Variants in TGIF2 observed in about 807,000 individuals in gnomAD.
TGIF2 encodes the protein homeobox protein TGIF2.
A neutral mutation model predicts 15.1 loss-of-function variants in TGIF2; 5 were observed. The observed-to-expected ratio is 0.33, with a 90% CI of 0.17 to 0.70. TGIF2 has a LOEUF of 0.70. TGIF2 is among the 30% of genes least tolerant of loss of function. The pLI, the probability that TGIF2 is intolerant of heterozygous loss-of-function variation, is 0.67. For missense variants in TGIF2, 264 were observed against 302.5 expected, an observed-to-expected ratio of 0.87 and a Z score of 0.94; for synonymous variants, 131 against 128.9, an observed-to-expected ratio of 1.02 and a Z score of -0.11.
intron 2 of TGIF2, among the ~76,000 whole-genome samples, chr20:36,588,591 T>A (rs1330185160): frequency 1.3e-5 from 2 of 152,094 alleles, no homozygotes; most frequent in Non-Finnish European, 2.9e-5. Context: ...CAGCGTCCAC[T>A]GAAGCCTGTT....
Position 36,591,115 on chromosome 20 carries a change from C to G in TGIF2, c.398C>G (p.Pro133Arg). The change falls in exon 3 of 3, where the codon CCG becomes CGG. Residue 133 changes from proline (P) to arginine (R), a missense_variant. Physicochemically the swap from Pro to Arg is moderately radical, Grantham distance 103 (BLOSUM62 -2). Coordinates refer to ENST00000373872, the MANE Select transcript of TGIF2 (RefSeq NM_021809.7). The surrounding 1 kb of genome is among the most constrained non-coding windows in gnomAD (Gnocchi z 5.3). Reference protein sequence around the residue: ...NVLSLSVCSMPLHSGQGEKPA... With the variant: ...NVLSLSVCSMRLHSGQGEKPA... The stretch of plus-strand genomic sequence containing the variant: ...CTCTCCCTGTCTGTGTGCTCCATGC[C>G]GCTTCACTCAGGCCAGGGGGAAAAG... 1.2e-6 allele frequency: 2 copies of G among 1,610,954 alleles called. No homozygotes were observed. Among genetic ancestry groups the G allele is most frequent in the Non-Finnish European group, 8.5e-7 (1 of 1,177,634 alleles).
At chr20:36,583,726 G>A (rs1404965373) in intron 2 of TGIF2, among the ~76,000 whole-genome samples, 4 of 152,056 alleles carry the variant, frequency 2.6e-5, no homozygotes, top group Admixed American at 6.6e-5. Flanking sequence ...GCGAAACCCC[G>A]TCTCTACTAA....
At chr20:36,584,078 A>G (rs2038602185) in intron 2 of TGIF2, among the ~76,000 whole-genome samples, 2 of 152,096 alleles carry the variant, frequency 1.3e-5, no homozygotes, top group Non-Finnish European at 2.9e-5. Context: ...AAAAAAAAGA[A>G]AAAAAAATTC....
chr20:36,573,573 G>C (rs1396655603), upstream of TGIF2: 2 of 151,726 alleles, frequency 1.3e-5, no homozygotes. Context: ...GAGGGCGCGG[G>C]GGGAGGAGAG....
chr20:36,592,511 C>T lies in TGIF2; in HGVS notation c.*1080C>T, dbSNP rs150382819. The T allele has an allele frequency of 6.6e-6, 1 of 152,614 alleles. No individual in the cohort carries two copies. Among genetic ancestry groups the T allele is most frequent in the East Asian group, 1.9e-4 (1 of 5,178 alleles). 9.5% of individuals were successfully genotyped at this position (152,614 alleles called of 1,614,324 possible). ...GGGCCCATATGTCAGAAGCTCCCAG[C>T]ACCTCCTACTTGGGAGAAAAGTGAG... On this transcript the variant is annotated 3_prime_UTR_variant, in exon 3 of 3. Transcript: ENST00000373872.
chr20:36,590,888 C>T (rs759059083), intron 2 of TGIF2, 22 bp from the exon 3 acceptor site: 165 of 1,502,338 alleles, frequency 1.1e-4, no homozygotes, highest in Middle Eastern at 1.8e-4. Context: ...GCAAATTGAT[C>T]GGTCTTGTAT....
chr20:36,583,178 G>T (rs1417149901), intron 2 of TGIF2, among the ~76,000 whole-genome samples: 1 of 151,874 alleles, frequency 6.6e-6, no homozygotes, highest in Non-Finnish European at 1.5e-5. Context: ...TACTCAGGAG[G>T]CTAAGGTACA....
chr20:36,585,867 T>TGTATACCC (rs2038647751), intron 2 of TGIF2, among the ~76,000 whole-genome samples: 1 of 152,216 alleles, frequency 6.6e-6, no homozygotes, highest in African/African-American at 2.4e-5. Context: ...CCCGGGACTC[T>TGTATACCC]GTGCTGGGTA....
intron 1 of TGIF2, chr20:36,574,602 G>A (rs1449949313): frequency 3.3e-5 from 5 of 152,208 alleles, no homozygotes; most frequent in African/African-American, 1.2e-4. Flanking sequence ...AGTAGGGGTG[G>A]GAACCAAACT....
chr20:36,576,138 G>T (rs1031206338), intron 1 of TGIF2, among the ~76,000 whole-genome samples: 3 of 152,112 alleles, frequency 2.0e-5, no homozygotes, highest in Non-Finnish European at 2.9e-5. Context: ...TTTGTTGCAC[G>T]TGTGAAACAG....
Position 36,584,555 on chromosome 20 carries a change from T to C in TGIF2, c.192+5589T>C, listed in dbSNP as rs1173931128. Among the ~76,000 whole-genome samples, 4 of 151,808 alleles carry C rather than the reference T, an allele frequency of 2.6e-5. No homozygotes were observed. The East Asian group carries it at 7.8e-4, about 29-fold the overall frequency. On this transcript the variant is annotated intron_variant, in intron 2 of 2. Transcript: ENST00000373872. ...TTTTTCCTGTATTTATTAATTAATT[T>C]TTTTTTTTTTTGAGACGGAGTCACT...
At chr20:36,585,646 A>T (rs2038642715) in intron 2 of TGIF2, among the ~76,000 whole-genome samples, 2 of 152,084 alleles carry the variant, frequency 1.3e-5, no homozygotes, top group Admixed American at 1.3e-4. Flanking sequence ...TTAGCAAGTC[A>T]ATGACTCAAC....
rs149673547 is a variant in TGIF2, at chr20:36,579,777, T to C, written c.192+811T>C. On this transcript the variant is annotated intron_variant, in intron 2 of 2. Coordinates refer to ENST00000373872, the MANE Select transcript of TGIF2 (RefSeq NM_021809.7). ...AAAGGGGCAGGGGGTACACAGAGTC[T>C]TCCCCTGCCTGGTGGATCTGTTGTG... 5.7e-3 allele frequency among the ~76,000 whole-genome samples: 873 copies of C among 152,270 alleles called. 7 individuals carry two copies. The highest frequency in any genetic ancestry group is 0.02 in the African/African-American group (850 of 41,534).
chr20:36,593,093 A>G lies in TGIF2; in HGVS notation c.*1662A>G, dbSNP rs567676128. The stretch of plus-strand genomic sequence containing the variant: ...GCTGTTTCATTGCTGACAGTGTTCA[A>G]CAATATGCCCCATCTTTATATATCC... On this transcript the variant is annotated 3_prime_UTR_variant, in exon 3 of 3. Coordinates refer to ENST00000373872, the MANE Select transcript of TGIF2 (RefSeq NM_021809.7). 6.5e-6 allele frequency: 1 copy of G among 152,738 alleles called. No individual in the cohort carries two copies. The highest frequency in any genetic ancestry group is 1.9e-4 in the East Asian group (1 of 5,178). 9.5% of individuals were successfully genotyped at this position (152,738 alleles called of 1,614,324 possible). A position where few individuals can be genotyped will look rare whatever the true frequency, so the allele number is the denominator to read the frequency against.
intron 2 of TGIF2, among the ~76,000 whole-genome samples, chr20:36,583,419 C>T (rs6129135): frequency 6.6e-6 from 1 of 151,412 alleles, no homozygotes; most frequent in Admixed American, 6.6e-5. Flanking sequence ...GATCATGCCA[C>T]TGCCCTCCAG....
At position 36,591,584 on chromosome 20, in the gene TGIF2, C is replaced by A; in HGVS notation, c.*153C>A. 1 of 831,038 alleles carries A rather than the reference C, an allele frequency of 1.2e-6. No homozygotes were observed. Among genetic ancestry groups the A allele is most frequent in the Non-Finnish European group, 1.9e-6 (1 of 540,384 alleles). The allele number at this position is 831,038 out of a possible 1,614,324, so 51.5% of individuals were successfully genotyped here. On this transcript the variant is annotated 3_prime_UTR_variant, in exon 3 of 3. Coordinates refer to ENST00000373872, the MANE Select transcript of TGIF2 (RefSeq NM_021809.7). This position sits in a 1 kb window ranked among gnomAD's most constrained non-coding sequence, Gnocchi z 5.3. Reference sequence around the variant, plus strand: ...TCTTCAACAGGAAGATGCCAGCTGGCACCACTGCACTGTGATGGGGGCCCT... The same window carrying A: ...TCTTCAACAGGAAGATGCCAGCTGGAACCACTGCACTGTGATGGGGGCCCT...
intron 2 of TGIF2, among the ~76,000 whole-genome samples, chr20:36,588,575 C>G (rs971197816): frequency 6.6e-6 from 1 of 152,050 alleles, no homozygotes; most frequent in African/African-American, 2.4e-5. Flanking sequence ...CAGGATTCAG[C>G]TCAACCAGCG....
intron 1 of TGIF2, 79 bp downstream of exon 1, chr20:36,573,824 G>A (rs1215176002): frequency 6.6e-6 from 1 of 150,930 alleles, no homozygotes; most frequent in Non-Finnish European, 1.5e-5. Flanking sequence ...TTCTCGGCCG[G>A]ACGGGGAGGG....
At chr20:36,573,521 C>G (rs2038342155), upstream of TGIF2, 1 of 144,022 alleles carries the variant, frequency 6.9e-6, no homozygotes, top group Non-Finnish European at 1.5e-5. Context: ...GCGCTCCGCA[C>G]AAAGTTTGTT....
Sources: gnomAD v4.1 joint callset for allele counts (sites outside exome capture counted in the v4.1 genomes callset) on GRCh38, gnomAD v4.1.1 for gene constraint, Gnocchi (gnomAD v3.1) non-coding constraint, MANE v1.5 for transcripts, NCBI Gene and HGNC (gene_info 2026-07-23, HGNC 2026-07-21) for gene names.